The following SCN8A variants were observed in gnomAD, a reference collection of about 807,000 sequenced individuals.
The protein encoded by SCN8A is sodium channel protein type 8 subunit alpha.
SCN8A carries 30 observed loss-of-function variants against 184.1 expected under a neutral mutation model. The observed-to-expected ratio is 0.16, with a 90% confidence interval of 0.12 to 0.22. SCN8A has a LOEUF of 0.22. Ranked by LOEUF, SCN8A falls within the 10% of genes least tolerant of loss-of-function variation. SCN8A has a pLI of 1.00. For missense variants in SCN8A, 1,057 were observed against 2,498.9 expected, an observed-to-expected ratio of 0.42 and a Z score of 12.30; for synonymous variants, 852 against 907.0, an observed-to-expected ratio of 0.94 and a Z score of 1.09.
At chr12:51,687,921 T>G (rs879750307) in intron 5 of SCN8A, among the ~76,000 whole-genome samples, 5 of 151,906 alleles carry the variant, frequency 3.3e-5, no homozygotes, top group Non-Finnish European at 7.4e-5. Flanking sequence ...GTAGTGGGGG[T>G]GGTGTATAGG....
At chr12:51,658,040 C>T (rs1940857129) in intron 1 of SCN8A, among the ~76,000 whole-genome samples, 1 of 151,912 alleles carries the variant, frequency 6.6e-6, no homozygotes, top group Non-Finnish European at 1.5e-5. Context: ...TTTTGAAATC[C>T]AATAGTGTGA....
intron 14 of SCN8A, 53 bp from the exon 15 acceptor site, chr12:51,762,450 G>T: frequency 2.7e-6 from 4 of 1,492,478 alleles, no homozygotes; most frequent in Middle Eastern, 1.7e-4. Flanking sequence ...TAATGATAAA[G>T]GCATTCTCTT....
At chr12:51,615,324 GT>G (rs1376523504) in intron 1 of SCN8A, among the ~76,000 whole-genome samples, 1 of 152,156 alleles carries the variant, frequency 6.6e-6, no homozygotes, top group African/African-American at 2.4e-5. Flanking sequence ...GGAGGCCAAG[GT>G]GGGCAGATCG....
chr12:51,756,414 T>C (rs1168198905), intron 14 of SCN8A, among the ~76,000 whole-genome samples: 4 of 152,222 alleles, frequency 2.6e-5, no homozygotes, highest in African/African-American at 9.6e-5. Flanking sequence ...CACCTGGCTC[T>C]GGCACCCCTT....
chr12:51,723,178 C>T (rs992755158), intron 12 of SCN8A: 1 of 152,196 alleles, frequency 6.6e-6, no homozygotes, highest in African/African-American at 2.4e-5. Flanking sequence ...TCTCGCCCTT[C>T]CCTTTTATTT....
At chr12:51,594,550 A>C (rs1238052346) in intron 1 of SCN8A, among the ~76,000 whole-genome samples, 2 of 152,220 alleles carry the variant, frequency 1.3e-5, no homozygotes, top group African/African-American at 4.8e-5. Flanking sequence ...ATTAATGAAT[A>C]TTTAATTCCT....
At chr12:51,609,988 A>C (rs1410748393) in intron 1 of SCN8A, among the ~76,000 whole-genome samples, 12 of 151,616 alleles carry the variant, frequency 7.9e-5, no homozygotes, top group South Asian at 6.2e-4. Flanking sequence ...AAATACAATA[A>C]AATAAAATAA....
chr12:51,713,509 T>C (rs1164793887), intron 11 of SCN8A: 10 of 762,858 alleles, frequency 1.3e-5, no homozygotes, highest in Admixed American at 1.7e-5. Flanking sequence ...TTTTCTCAAC[T>C]GCTCTGGTTC....
At chr12:51,700,785 C>A (rs535967055) in intron 7 of SCN8A, among the ~76,000 whole-genome samples, 2 of 151,998 alleles carry the variant, frequency 1.3e-5, no homozygotes, top group African/African-American at 4.8e-5. Context: ...GATAAAGACA[C>A]GTTGTAAGGA....
intron 1 of SCN8A, among the ~76,000 whole-genome samples, chr12:51,594,765 T>C (rs1467963336): frequency 6.6e-6 from 1 of 152,188 alleles, no homozygotes; most frequent in African/African-American, 2.4e-5. Context: ...AAAACAATTA[T>C]CTGTGTTTTA....
At chr12:51,635,504 C>G (rs1472351618) in intron 1 of SCN8A, among the ~76,000 whole-genome samples, 2 of 152,096 alleles carry the variant, frequency 1.3e-5, no homozygotes, top group East Asian at 1.9e-4. Context: ...CGAAAGGTCA[C>G]AACTGAAGGG....
intron 6 of SCN8A, among the ~76,000 whole-genome samples, chr12:51,691,099 C>G (rs1376700971): frequency 6.6e-6 from 1 of 152,156 alleles, no homozygotes; most frequent in African/African-American, 2.4e-5. Flanking sequence ...AATGCCACAT[C>G]TTTACTTTCC....
At chr12:51,608,902 G>A (rs1939657182) in intron 1 of SCN8A, among the ~76,000 whole-genome samples, 1 of 152,246 alleles carries the variant, frequency 6.6e-6, no homozygotes, top group African/African-American at 2.4e-5. Flanking sequence ...CACCACCTTT[G>A]CTGTATCCCA....
intron 12 of SCN8A, among the ~76,000 whole-genome samples, chr12:51,735,039 T>A (rs547319722): frequency 1.8e-3 from 271 of 152,366 alleles, no homozygotes; most frequent in Non-Finnish European, 3.0e-3. Flanking sequence ...AGATGGTTTT[T>A]ATTTTTTCCT....
chr12:51,743,173 A>G (rs924029235), intron 12 of SCN8A, among the ~76,000 whole-genome samples: 2 of 152,172 alleles, frequency 1.3e-5, no homozygotes, highest in African/African-American at 4.8e-5. Flanking sequence ...TCCCTGTCTG[A>G]AAGGTCACAT....
intron 1 of SCN8A, among the ~76,000 whole-genome samples, chr12:51,601,965 G>GT (rs995901043): frequency 3.4e-5 from 5 of 144,972 alleles, no homozygotes; most frequent in African/African-American, 1.0e-4. Flanking sequence ...GAGTGTGTAT[G>GT]TTTTTTTTCT....
intron 1 of SCN8A, among the ~76,000 whole-genome samples, chr12:51,607,612 C>T (rs981130304): frequency 4.6e-5 from 7 of 152,036 alleles, no homozygotes; most frequent in Non-Finnish European, 7.4e-5. Context: ...CCTTGTATGC[C>T]GATTTTGCTG....
chr12:51,707,610 G>A (rs1052766551), intron 11 of SCN8A, among the ~76,000 whole-genome samples: 1 of 152,160 alleles, frequency 6.6e-6, no homozygotes, highest in Non-Finnish European at 1.5e-5. Context: ...TGACTTGACT[G>A]TTAATCTCCT....
chr12:51,702,642 C>A, intron 8 of SCN8A, 131 bp from the exon 9 acceptor site: 2 of 725,992 alleles, frequency 2.8e-6, no homozygotes, highest in South Asian at 5.3e-5. Flanking sequence ...ATTTGTTGGC[C>A]TGGCTCTATC....
Sources: gnomAD v4.1 joint callset for allele counts (sites outside exome capture counted in the v4.1 genomes callset) on GRCh38, gnomAD v4.1.1 for gene constraint, MANE v1.5 for transcripts, NCBI Gene and HGNC (gene_info 2026-07-23, HGNC 2026-07-21) for gene names.